CDH12: variants seen among roughly 807,000 people sequenced by gnomAD.
CDH12 encodes cadherin-12.
A neutral mutation model predicts 74.1 loss-of-function variants in CDH12; 41 were observed. The ratio of observed to expected loss-of-function variants is 0.55; its 90% CI spans 0.43 to 0.72. The LOEUF is 0.72. Ranked by LOEUF, CDH12 falls within the 30% of genes least tolerant of loss-of-function variation. The probability of loss-of-function intolerance (pLI) is 0.00; values close to 1 mark genes in which losing one functional copy is unlikely to be tolerated. For missense variants in CDH12, 945 were observed against 977.2 expected (o/e 0.97, Z 0.44); for synonymous variants, 399 against 355.0 (o/e 1.12, Z -1.39).
chr5:21,800,736 T>C (rs375851253), intron 10 of CDH12, among the ~76,000 whole-genome samples: 3 of 152,180 alleles, frequency 2.0e-5, no homozygotes, highest in South Asian at 2.1e-4. Context: ...AGGAGGGTCC[T>C]TGTGGGAGGT....
At chr5:22,632,616 T>A (rs1738644273) in intron 1 of CDH12, among the ~76,000 whole-genome samples, 1 of 151,752 alleles carries the variant, frequency 6.6e-6, no homozygotes, top group Non-Finnish European at 1.5e-5. Flanking sequence ...GTTGAGATAA[T>A]CCATAATAAT....
intron 3 of CDH12, among the ~76,000 whole-genome samples, chr5:22,390,851 A>G (rs1297051357): frequency 2.0e-5 from 3 of 152,190 alleles, no homozygotes; most frequent in Non-Finnish European, 2.9e-5. Flanking sequence ...AGTATGTCCA[A>G]TGCCGGTGGG....
intron 3 of CDH12, among the ~76,000 whole-genome samples, chr5:22,300,952 C>T (rs1007557200): frequency 6.6e-6 from 1 of 152,032 alleles, no homozygotes; most frequent in African/African-American, 2.4e-5. Context: ...TTCTATGACC[C>T]AAGTATAAAA....
chr5:22,397,979 G>A (rs900866622), intron 3 of CDH12, among the ~76,000 whole-genome samples: 3 of 152,008 alleles, frequency 2.0e-5, no homozygotes, highest in African/African-American at 7.2e-5. Context: ...TGGAATTCTA[G>A]CCTCCAGGAT....
At chr5:22,561,506 A>AT (rs903085049) in intron 1 of CDH12, among the ~76,000 whole-genome samples, 24 of 151,538 alleles carry the variant, frequency 1.6e-4, no homozygotes, top group African/African-American at 3.9e-4. Context: ...TAAAATCTGT[A>AT]TTTTTTTTTC....
At chr5:21,785,883 A>G (rs1746170067) in intron 10 of CDH12, among the ~76,000 whole-genome samples, 2 of 152,232 alleles carry the variant, frequency 1.3e-5, no homozygotes, top group South Asian at 4.1e-4. Flanking sequence ...CAGATTTTAA[A>G]TGTATACAGA....
At chr5:22,333,336 G>T (rs953814399) in intron 3 of CDH12, among the ~76,000 whole-genome samples, 1 of 151,884 alleles carries the variant, frequency 6.6e-6, no homozygotes, top group Non-Finnish European at 1.5e-5. Context: ...GCAATGGGAG[G>T]GAGAGCATTA....
Position 21,809,827 on chromosome 5 carries a change from G to A in CDH12, c.1002+7118C>T, listed in dbSNP as rs549621151. Reference sequence around the variant, plus strand: ...GGGCTTAAAATATAGTAGGAGGAATGAGTTGTATTTTCAATATGAGAACCT... The same window carrying A: ...GGGCTTAAAATATAGTAGGAGGAATAAGTTGTATTTTCAATATGAGAACCT... On this transcript the variant is annotated intron_variant, in intron 9 of 14. Transcript: ENST00000382254. Among the ~76,000 whole-genome samples the A allele has an allele frequency of 2.1e-4, 32 of 152,216 alleles. No individual in the cohort carries two copies. In the South Asian group the frequency reaches 6.2e-3, roughly 30 times the overall value.
intron 1 of CDH12, among the ~76,000 whole-genome samples, chr5:22,840,865 G>C (rs1402407479): frequency 1.3e-5 from 2 of 152,190 alleles, no homozygotes; most frequent in Non-Finnish European, 2.9e-5. Context: ...TAGGTGGCTG[G>C]TAATCAGTAT....
intron 1 of CDH12, among the ~76,000 whole-genome samples, chr5:22,814,753 G>A (rs1444453416): frequency 6.6e-6 from 1 of 151,964 alleles, no homozygotes; most frequent in African/African-American, 2.4e-5. Context: ...TTTTCACTTG[G>A]TGTAACTACA....
At chr5:22,778,954 A>C (rs762518867) in intron 1 of CDH12, among the ~76,000 whole-genome samples, 3 of 152,176 alleles carry the variant, frequency 2.0e-5, no homozygotes, top group Non-Finnish European at 4.4e-5. Context: ...TACAAGGAAT[A>C]TATCTACCAA....
chr5:21,843,564 G>A (rs1416913847), intron 7 of CDH12, among the ~76,000 whole-genome samples: 1 of 150,582 alleles, frequency 6.6e-6, no homozygotes, highest in Non-Finnish European at 1.5e-5. Flanking sequence ...GCCCAGGCTG[G>A]AGTGCAATGG....
intron 8 of CDH12, among the ~76,000 whole-genome samples, chr5:21,838,295 C>T (rs976689356): frequency 6.6e-6 from 1 of 152,166 alleles, no homozygotes; most frequent in African/African-American, 2.4e-5. Context: ...CATGGTGGCC[C>T]ATGCCTGTAA....
At chr5:22,796,711 G>A (rs1487259232) in intron 1 of CDH12, among the ~76,000 whole-genome samples, 1 of 135,550 alleles carries the variant, frequency 7.4e-6, no homozygotes, top group Non-Finnish European at 1.5e-5. Context: ...TAGTAGAGAC[G>A]GGGTTTCACC....
At chr5:22,793,735 T>C (rs1361324297) in intron 1 of CDH12, among the ~76,000 whole-genome samples, 1 of 151,132 alleles carries the variant, frequency 6.6e-6, no homozygotes, top group African/African-American at 2.4e-5. Context: ...TCTCATCATG[T>C]GCCCGCACTC....
chr5:22,779,139 T>C (rs537645681), intron 1 of CDH12, among the ~76,000 whole-genome samples: 1 of 152,294 alleles, frequency 6.6e-6, no homozygotes, highest in Admixed American at 6.5e-5. Flanking sequence ...TTTGTACAAC[T>C]AAGTTTTTCT....
At chr5:22,644,811 T>C (rs992991083) in intron 1 of CDH12, among the ~76,000 whole-genome samples, 41 of 152,032 alleles carry the variant, frequency 2.7e-4, no homozygotes, top group Middle Eastern at 3.2e-3. Flanking sequence ...ATGCAGCTGG[T>C]GACTAAATTG....
intron 1 of CDH12, among the ~76,000 whole-genome samples, chr5:22,749,558 T>G (rs2127031725): frequency 6.6e-6 from 1 of 152,248 alleles, no homozygotes; most frequent in East Asian, 1.9e-4. Flanking sequence ...AACTTATATA[T>G]TTCTAAAAGT....
At chr5:21,777,081 CTGAT>C (rs1450472709) in intron 11 of CDH12, among the ~76,000 whole-genome samples, 2 of 152,078 alleles carry the variant, frequency 1.3e-5, no homozygotes, top group African/African-American at 4.8e-5. Flanking sequence ...AATTGTCACT[CTGAT>C]TAATTAAACA....
Sources: allele counts gnomAD v4.1 joint callset (sites outside exome capture counted in the v4.1 genomes callset), GRCh38; gene constraint gnomAD v4.1.1; transcripts MANE v1.5; gene names NCBI Gene and HGNC (gene_info 2026-07-23, HGNC 2026-07-21).